The following CCDC91 variants were observed in gnomAD, a reference collection of about 807,000 sequenced individuals.
CCDC91 encodes coiled-coil domain containing 91.
In CCDC91, 48 loss-of-function variants were observed where a neutral mutation model predicts 63.2. The ratio of observed to expected loss-of-function variants is 0.76; its 90% confidence interval spans 0.60 to 0.97. The LOEUF is 0.97. Among genes scored for constraint, CCDC91 ranks in the 50% least tolerant of loss-of-function variants. The probability of loss-of-function intolerance (pLI) is 0.00; values close to 1 mark genes in which losing one functional copy is unlikely to be tolerated. For synonymous variants in CCDC91, 167 were observed against 165.8 expected (o/e 1.01, Z -0.06); for missense variants, 500 against 494.6 (o/e 1.01, Z -0.10).
At position 28,323,388 on chromosome 12, in the gene CCDC91, C is replaced by A. The variant is rs536604489; in HGVS notation, c.576+15639C>A. Reference sequence around the variant, plus strand: ...ACCATGACAATATTTGTAAAACAGTCCCTCTTGTCCCTTCTTATTTGGAAT... The same window carrying A: ...ACCATGACAATATTTGTAAAACAGTACCTCTTGTCCCTTCTTATTTGGAAT... On this transcript the variant is annotated intron_variant, in intron 6 of 12. Transcript: ENST00000536442. Among the ~76,000 whole-genome samples, 17 of 151,860 alleles carry A rather than the reference C, an allele frequency of 1.1e-4. No homozygotes were observed. The South Asian group carries it at 3.3e-3, about 30-fold the overall frequency.
At chr12:28,249,302 G>T (rs575640350) in intron 1 of CCDC91, among the ~76,000 whole-genome samples, 38 of 152,252 alleles carry the variant, frequency 2.5e-4, no homozygotes, top group African/African-American at 8.7e-4. Context: ...GATATTATTG[G>T]TGGTTCCTGG....
intron 8 of CCDC91, among the ~76,000 whole-genome samples, chr12:28,401,439 T>TG (rs1332136310): frequency 6.6e-6 from 1 of 151,796 alleles, no homozygotes; most frequent in African/African-American, 2.4e-5. Flanking sequence ...CCACGACATG[T>TG]GGGGATTATG....
intron 12 of CCDC91, among the ~76,000 whole-genome samples, chr12:28,490,316 A>AC (rs1565467391): frequency 6.6e-6 from 1 of 151,948 alleles, no homozygotes; most frequent in East Asian, 1.9e-4. Context: ...CTTTTATGTA[A>AC]CCAACACATA....
intron 12 of CCDC91, among the ~76,000 whole-genome samples, chr12:28,513,025 C>G (rs1939549148): frequency 6.6e-6 from 1 of 151,844 alleles, no homozygotes; most frequent in Admixed American, 6.6e-5. Context: ...AGATGTAAAT[C>G]TTCCAGGACT....
In CCDC91 at chr12:28,432,447, T is replaced by C. The variant is rs1408516496; in HGVS notation, c.763-17714T>C. Among the ~76,000 whole-genome samples the C allele has an allele frequency of 3.3e-5, 5 of 152,150 alleles. No individual in the cohort carries two copies. In the East Asian group the frequency reaches 9.7e-4, roughly 29 times the overall value. ...TGGTTATATAAATGGTAGTTTTTCC[T>C]GCATGCTCACACTCTTTCTCTAGCC... On this transcript the variant is annotated intron_variant, in intron 8 of 12. Coordinates refer to ENST00000536442, the MANE Select transcript of CCDC91 (RefSeq NM_018318.5).
intron 1 of CCDC91, among the ~76,000 whole-genome samples, chr12:28,249,647 T>A (rs562284003): frequency 6.6e-6 from 1 of 152,144 alleles, no homozygotes; most frequent in East Asian, 1.9e-4. Context: ...GTACTTTGCA[T>A]GCACACTAAA....
intron 11 of CCDC91, among the ~76,000 whole-genome samples, chr12:28,476,553 A>T (rs1181610829): frequency 2.6e-5 from 4 of 152,148 alleles, no homozygotes; most frequent in Admixed American, 1.3e-4. Context: ...CATCACAATT[A>T]AAAGAACTAG....
At chr12:28,401,309 G>A (rs531351785) in intron 8 of CCDC91, among the ~76,000 whole-genome samples, 5 of 152,176 alleles carry the variant, frequency 3.3e-5, no homozygotes, top group African/African-American at 1.2e-4. Flanking sequence ...AAGGAGAAGT[G>A]CCAAGAAAAA....
chr12:28,285,974 A>G (rs1183831632), intron 3 of CCDC91, among the ~76,000 whole-genome samples: 1 of 152,114 alleles, frequency 6.6e-6, no homozygotes, highest in Non-Finnish European at 1.5e-5. Flanking sequence ...TTTTTAAATG[A>G]GGAACCTAAG....
intron 1 of CCDC91, among the ~76,000 whole-genome samples, chr12:28,243,077 G>T (rs976121075): frequency 2.0e-5 from 3 of 152,116 alleles, no homozygotes; most frequent in Non-Finnish European, 4.4e-5. Flanking sequence ...AAATTACTCA[G>T]GCTCAGGTAT....
At chr12:28,296,529 C>A (rs1443866363) in intron 3 of CCDC91, among the ~76,000 whole-genome samples, 2 of 151,854 alleles carry the variant, frequency 1.3e-5, no homozygotes, top group Non-Finnish European at 2.9e-5. Flanking sequence ...GTTCCTCCAT[C>A]TTGGCCTTTT....
chr12:28,546,215 A>C (rs950937242), intron 12 of CCDC91, among the ~76,000 whole-genome samples: 1 of 152,070 alleles, frequency 6.6e-6, no homozygotes, highest in Admixed American at 6.6e-5. Context: ...TTGCCTACTT[A>C]TATGTCTCAA....
intron 6 of CCDC91, among the ~76,000 whole-genome samples, chr12:28,348,879 G>A (rs562116136): frequency 1.3e-5 from 2 of 151,892 alleles, no homozygotes; most frequent in South Asian, 2.1e-4. Flanking sequence ...GTGCGCCACC[G>A]TGTCTGACTA....
At chr12:28,269,546 C>A (rs55982854) in intron 3 of CCDC91, among the ~76,000 whole-genome samples, 2,146 of 152,176 alleles carry the variant, frequency 0.014, 46 homozygotes, top group African/African-American at 0.044. Flanking sequence ...TCTGCTCCCC[C>A]CAACCAACCC....
intron 12 of CCDC91, among the ~76,000 whole-genome samples, chr12:28,507,132 T>C (rs563900166): frequency 6.6e-6 from 1 of 152,128 alleles, no homozygotes; most frequent in South Asian, 2.1e-4. Flanking sequence ...CTTGTATGTT[T>C]CTTGGTTTAT....
At chr12:28,335,924 T>C (rs372674804) in intron 6 of CCDC91, among the ~76,000 whole-genome samples, 1 of 151,712 alleles carries the variant, frequency 6.6e-6, no homozygotes, top group Non-Finnish European at 1.5e-5. Context: ...TCATGGCCTA[T>C]AGAAAAGTTT....
chr12:28,450,060 C>G (rs755532484), intron 8 of CCDC91, 101 bp from the exon 9 acceptor site: 1 of 643,538 alleles, frequency 1.6e-6, no homozygotes. Context: ...CCTTTTGTAA[C>G]TACTTCAATT....
At chr12:28,346,423 A>G (rs1390010392) in intron 6 of CCDC91, among the ~76,000 whole-genome samples, 1 of 152,132 alleles carries the variant, frequency 6.6e-6, no homozygotes, top group Non-Finnish European at 1.5e-5. Flanking sequence ...GTTATGATTT[A>G]GTTGTGTTTT....
At chr12:28,195,265 C>G (rs1450302050) in intron 1 of CCDC91, among the ~76,000 whole-genome samples, 1 of 152,146 alleles carries the variant, frequency 6.6e-6, no homozygotes, top group African/African-American at 2.4e-5. Context: ...TTTAGCTACA[C>G]AGAAAAGTTC....
Sources: allele counts gnomAD v4.1 joint callset (sites outside exome capture counted in the v4.1 genomes callset), GRCh38; gene constraint gnomAD v4.1.1; transcripts MANE v1.5; gene names NCBI Gene and HGNC (gene_info 2026-07-23, HGNC 2026-07-21).